CASP1: variants seen among roughly 807,000 people sequenced by gnomAD.
CASP1 encodes caspase-1.
A neutral mutation model predicts 41.2 loss-of-function variants in CASP1; 31 were observed. That is an observed-to-expected ratio of 0.75 (90% CI 0.57 to 1.02). The LOEUF (loss-of-function observed/expected upper bound fraction) is 1.02, where lower values mean the gene tolerates loss of function less well. CASP1 is among the 50% of genes least tolerant of loss of function. The pLI, the probability that CASP1 is intolerant of heterozygous loss-of-function variation, is 0.00. For missense variants in CASP1, 490 were observed against 495.7 expected, an observed-to-expected ratio of 0.99 and a Z score of 0.11; for synonymous variants, 163 against 166.5, an observed-to-expected ratio of 0.98 and a Z score of 0.16.
rs1863626415 is a variant in CASP1, at chr11:105,030,510, G to C, written c.454-7C>G. On this transcript the variant is annotated splice_polypyrimidine_tract_variant and splice_region_variant and intron_variant, in intron 4 of 8. Coordinates refer to ENST00000533400, the MANE Select transcript of CASP1 (RefSeq NM_001257118.3). ...TGTCCATTATTGGATAAATCTGTAG[G>C]AAATGCAATTTGAATGAACAGCCTT... 2 of 1,607,400 alleles carry C rather than the reference G, an allele frequency of 1.2e-6. No individual in the cohort carries two copies. Among genetic ancestry groups the C allele is most frequent in the Non-Finnish European group, 1.7e-6 (2 of 1,176,978 alleles).
rs1863886126 is a variant in CASP1 at position 105,034,308 on chromosome 11, A to C, written c.174T>G (p.Ile58Met). 6.2e-7 allele frequency: 1 copy of C among 1,614,020 alleles called. No homozygotes were observed. Among genetic ancestry groups the C allele is most frequent in the Non-Finnish European group, 8.5e-7 (1 of 1,180,012 alleles). ...ATVMDKTRAL[I>M]DSVIPKGAQA... ...GTGCCCCTTTCGGAATAACGGAGTCAATCAAAGCTCGGGTCTTATCCATAA... is the reference window on the plus strand; with the variant it reads ...GTGCCCCTTTCGGAATAACGGAGTCCATCAAAGCTCGGGTCTTATCCATAA... Residue 58 changes from isoleucine to methionine, a missense_variant, in exon 2 of 9, where the codon ATT (isoleucine) becomes ATG (methionine). Physicochemically the swap from Ile to Met is conservative, Grantham distance 10 (BLOSUM62 1). Coordinates refer to ENST00000533400, the MANE Select transcript of CASP1 (RefSeq NM_001257118.3).
At chr11:105,027,194 G>A (rs1252148971) in intron 7 of CASP1, 6 of 610,806 alleles carry the variant, frequency 9.8e-6, no homozygotes, top group Non-Finnish European at 1.7e-5. Context: ...ATATTTAATA[G>A]ACTCAGCTAG....
chr11:105,035,186 TAC>T, upstream of CASP1: 4 of 1,593,098 alleles, frequency 2.5e-6, no homozygotes, highest in Admixed American at 3.3e-5. Context: ...GCAGGGCCTG[TAC>T]ATGTATTGGG....
rs765575404 is a variant in CASP1, at chr11:105,030,451, C to A, written c.506G>T (p.Cys169Phe). 1.2e-6 allele frequency: 2 copies of A among 1,613,558 alleles called. No individual in the cohort carries two copies. Among genetic ancestry groups the A allele is most frequent in the Non-Finnish European group, 8.5e-7 (1 of 1,179,622 alleles). ...SSRTRLALII[C>F]NEEFDSIPRR... is the part of the protein sequence containing the mutation. ...AGGAATACTGTCAAATTCTTCATTG[C>A]AGATAATGAGAGCAAGACGTGTGCG... The change falls in exon 5 of 9, where the codon TGC (cysteine) becomes TTC (phenylalanine). Residue 169 changes from cysteine to phenylalanine, a missense_variant. By Grantham distance (205) the Cys-to-Phe change is radical. Transcript: ENST00000533400.
chr11:105,030,302 A>G, intron 5 of CASP1, 28 bp downstream of exon 5: 1 of 1,574,314 alleles, frequency 6.4e-7, no homozygotes, highest in Non-Finnish European at 8.7e-7. Context: ...GGGCATAACC[A>G]TTGTTTCTGT....
intron 2 of CASP1, chr11:105,034,001 C>A: frequency 2.3e-6 from 2 of 886,092 alleles, no homozygotes; most frequent in Non-Finnish European, 1.9e-6. Context: ...AGGAAATGAG[C>A]TTTAATCAGA....
intron 7 of CASP1, chr11:105,027,152 C>A (rs779170121): frequency 4.3e-5 from 27 of 628,426 alleles, no homozygotes; most frequent in Non-Finnish European, 7.3e-5. Context: ...AGTGGTATTA[C>A]TGACTGTGAT....
intron 7 of CASP1, chr11:105,027,309 A>G (rs1256907034): frequency 2.7e-6 from 1 of 376,104 alleles, no homozygotes; most frequent in Non-Finnish European, 4.8e-6. Context: ...TGGGGTAATT[A>G]TATTATCAAA....
Position 105,027,687 on chromosome 11 carries a change from C to A in CASP1, c.1007-736G>T, listed in dbSNP as rs529765248. The stretch of plus-strand genomic sequence containing the variant: ...TAAAGTATATATTGATAATAAAATT[C>A]TATTTAGAAACCCAGCTATCTCAGC... On this transcript the variant is annotated intron_variant, in intron 7 of 8. Coordinates refer to ENST00000533400, the MANE Select transcript of CASP1 (RefSeq NM_001257118.3). 1.3e-4 allele frequency among the ~76,000 whole-genome samples: 20 copies of A among 152,100 alleles called. No homozygotes were observed. The South Asian group carries it at 1.7e-3, about 13-fold the overall frequency.
At chr11:105,027,439 G>A (rs1863382189) in intron 7 of CASP1, among the ~76,000 whole-genome samples, 2 of 152,046 alleles carry the variant, frequency 1.3e-5, no homozygotes. Context: ...AGAAATCTAG[G>A]AGGAGTAGAT....
At position 105,034,429 on chromosome 11, in the gene CASP1, C is replaced by T. The variant is rs1863896033; in HGVS notation, c.53G>A (p.Gly18Asp). 2 of 1,614,016 alleles carry T rather than the reference C, an allele frequency of 1.2e-6. No homozygotes were observed. The highest frequency in any genetic ancestry group is 1.7e-5 in the Admixed American group (1 of 60,000). The change falls in exon 2 of 9, where the codon GGT becomes GAT. Residue 18 changes from glycine (G) to aspartate (D), a missense_variant. Coordinates refer to ENST00000533400, the MANE Select transcript of CASP1 (RefSeq NM_001257118.3). Reference protein sequence around the residue: ...EKRKLFIRSMGEGTINGLLDE... With the variant: ...EKRKLFIRSMDEGTINGLLDE... Reference sequence around the variant, plus strand: ...CAGTAAGCCATTTATTGTACCTTCACCCATGGAACGGATAAACAGCTTTCT... The same window carrying T: ...CAGTAAGCCATTTATTGTACCTTCATCCATGGAACGGATAAACAGCTTTCT...
At chr11:105,031,332 T>G in intron 3 of CASP1, 52 bp from the exon 4 acceptor site, 1 of 1,064,326 alleles carries the variant, frequency 9.4e-7, no homozygotes, top group Non-Finnish European at 1.5e-6. Flanking sequence ...TTGTTCCACT[T>G]TGTGTTTGTT....
upstream of CASP1, among the ~76,000 whole-genome samples, chr11:105,035,849 C>T (rs1397798702): frequency 1.3e-5 from 2 of 152,018 alleles, no homozygotes; most frequent in Non-Finnish European, 2.9e-5. Flanking sequence ...CTCCCAGGCT[C>T]AAGCAATGTG....
chr11:105,033,658 T>C (rs1295241420), intron 2 of CASP1, among the ~76,000 whole-genome samples: 1 of 152,066 alleles, frequency 6.6e-6, no homozygotes, highest in Non-Finnish European at 1.5e-5. Flanking sequence ...TCAAAGAAAA[T>C]ACAAGGAGGC....
Position 105,034,499 on chromosome 11 carries a change from A to G in CASP1, c.8-25T>C, listed in dbSNP as rs372339419. 4.3e-5 allele frequency: 69 copies of G among 1,612,240 alleles called. No homozygotes were observed. In the African/African-American group the frequency reaches 8.4e-4, roughly 20 times the overall value. On this transcript the variant is annotated intron_variant, in intron 1 of 8. Transcript: ENST00000533400. ...TCTGTTTAGAGCACAAGGATTTCTC[A>G]CATCATGAAAACAGCCTCATATTCC... is the stretch of plus-strand genomic sequence containing the variant.
At chr11:105,030,697 C>G (rs1863637435) in intron 4 of CASP1, 194 bp from the exon 5 acceptor site, 1 of 499,802 alleles carries the variant, frequency 2.0e-6, no homozygotes, top group South Asian at 3.4e-5. Flanking sequence ...CAGATGGCAG[C>G]TGAGCTTCTG....
rs946076543 is a variant in CASP1, at chr11:105,030,226, G to A, written c.627+104C>T. 29 of 995,566 alleles carry A rather than the reference G, an allele frequency of 2.9e-5. No individual in the cohort carries two copies. In the African/African-American group the frequency reaches 4.5e-4, roughly 16 times the overall value. The allele number at this position is 995,566 out of a possible 1,614,324, so 61.7% of individuals were successfully genotyped here. A position where few individuals can be genotyped will look rare whatever the true frequency, so the allele number is the denominator to read the frequency against. The stretch of plus-strand genomic sequence containing the variant: ...TCTCTCATGGCAAGTTTGTATTTTA[G>A]ATTATCAAGAGATTACATTTCTTGG... On this transcript the variant is annotated intron_variant, in intron 5 of 8. Coordinates refer to ENST00000533400, the MANE Select transcript of CASP1 (RefSeq NM_001257118.3).
chr11:105,036,378 G>C (rs1223262797), upstream of CASP1, among the ~76,000 whole-genome samples: 1 of 152,102 alleles, frequency 6.6e-6, no homozygotes, highest in Admixed American at 6.5e-5. Flanking sequence ...TCACATTCAA[G>C]AGGGAAAGAC....
In CASP1 at chr11:105,029,761, G is replaced by A. The variant is rs580253; in HGVS notation, c.766C>T (p.Leu256=). The change falls in exon 6 of 9, where the codon CTA becomes TTA. Residue 256 remains leucine, a synonymous_variant. Transcript: ENST00000533400. ...KKHSEQVPDI[L]QLNAIFNMLN... ...ATGTTAAAGATTGCATTGAGTTGTAGTATATCTGGGACTTGCTCAGAGTGT... is the reference window on the plus strand; with the variant it reads ...ATGTTAAAGATTGCATTGAGTTGTAATATATCTGGGACTTGCTCAGAGTGT... 0.16 allele frequency: 263,659 copies of A among 1,612,946 alleles called. 23,608 individuals carry two copies. The highest frequency in any genetic ancestry group is 0.3 in the Admixed American group (18,017 of 59,896).
Sources: gnomAD v4.1 joint callset for allele counts (sites outside exome capture counted in the v4.1 genomes callset) on GRCh38, gnomAD v4.1.1 for gene constraint, MANE v1.5 for transcripts, NCBI Gene and HGNC (gene_info 2026-07-23, HGNC 2026-07-21) for gene names.